Variants in LSM10 observed in about 807,000 individuals in gnomAD.
LSM10 encodes U7 snRNA-associated Sm-like protein LSm10.
A neutral mutation model predicts 5.2 loss-of-function variants in LSM10; 4 were observed. The observed-to-expected ratio is 0.77, with a 90% CI of 0.38 to 1.77. The LOEUF (loss-of-function observed/expected upper bound fraction) is 1.77. LSM10 is among the 40% of genes most tolerant of loss of function. The pLI is 0.04. For missense variants in LSM10, 150 were observed against 171.6 expected, an observed-to-expected ratio of 0.87 and a Z score of 0.70; for synonymous variants, 63 against 67.4, an observed-to-expected ratio of 0.94 and a Z score of 0.32.
chr1:36,395,304 T>G (rs533462039), intron 1 of LSM10, among the ~76,000 whole-genome samples: 2 of 152,274 alleles, frequency 1.3e-5, no homozygotes, highest in African/African-American at 4.8e-5. Flanking sequence ...CAATTATAAA[T>G]TATATGATTA....
chr1:36,395,753 G>T (rs1450514483), intron 1 of LSM10, among the ~76,000 whole-genome samples: 1 of 150,424 alleles, frequency 6.6e-6, no homozygotes, highest in Non-Finnish European at 1.5e-5. Context: ...ACTCCAGCCT[G>T]GGTAACAGAG....
intron 1 of LSM10, among the ~76,000 whole-genome samples, chr1:36,397,167 G>A (rs1187000581): frequency 6.6e-6 from 1 of 152,146 alleles, no homozygotes; most frequent in East Asian, 1.9e-4. Context: ...AAAGCTACCA[G>A]AATCACACTC....
chr1:36,397,643 G>A (rs772417920), intron 1 of LSM10, 124 bp downstream of exon 1: 3 of 152,256 alleles, frequency 2.0e-5, no homozygotes, highest in Admixed American at 1.3e-4. Context: ...CGGGTCTGGG[G>A]AAAGGAGCTA....
Position 36,397,652 on chromosome 1 carries a change from T to C in LSM10, c.-25+115A>G, listed in dbSNP as rs1333492376. The C allele has an allele frequency of 1.3e-5, 2 of 152,276 alleles. 1 individual carries two copies. Among genetic ancestry groups the C allele is most frequent in the Non-Finnish European group, 2.9e-5 (2 of 68,084 alleles). 9.4% of individuals were successfully genotyped at this position (152,276 alleles called of 1,614,324 possible). A position where few individuals can be genotyped will look rare whatever the true frequency, so the allele number is the denominator to read the frequency against. On this transcript the variant is annotated intron_variant, in intron 1 of 1. Coordinates refer to ENST00000315732, the MANE Select transcript of LSM10 (RefSeq NM_032881.3). ...CGGGAGCGGGTCTGGGGAAAGGAGC[T>C]ATACTCGGTAAATGGGGAAGAAAAC...
At position 36,393,822 on chromosome 1, in the gene LSM10, CGATG is replaced by C; in HGVS notation, c.304_307del (p.His102GlyfsTer36). On this transcript the variant is annotated frameshift_variant, in exon 2 of 2. Coordinates refer to ENST00000315732, the MANE Select transcript of LSM10 (RefSeq NM_032881.3). LOFTEE classifies it high-confidence loss of function. ...GCCCTTGCCACCAAAGTTTCGCACC[CGATG>C]GATAATCTGCAGCTGCTGCTCAATG... is the stretch of plus-strand genomic sequence containing the variant. 6.2e-7 allele frequency: 1 copy of C among 1,614,212 alleles called. No homozygotes were observed. The highest frequency in any genetic ancestry group is 8.5e-7 in the Non-Finnish European group (1 of 1,180,044).
rs1166066510 is a variant in LSM10 at position 36,393,830 on chromosome 1, A to G, written c.300T>C (p.Ile100=). ...ITSTIEQQLQ[I]IHRVRNFGGK... is the part of the protein sequence containing the mutation. ...CACCAAAGTTTCGCACCCGATGGAT[A>G]ATCTGCAGCTGCTGCTCAATGGTCG... The change falls in exon 2 of 2, where the codon ATT becomes ATC. Residue 100 remains isoleucine, a synonymous_variant. Transcript: ENST00000315732. 5.6e-6 allele frequency: 9 copies of G among 1,614,196 alleles called. No individual in the cohort carries two copies. The highest frequency in any genetic ancestry group is 4.4e-5 in the South Asian group (4 of 91,090).
chr1:36,394,294 G>A lies in LSM10; in HGVS notation c.-24-141C>T, dbSNP rs145764306. The A allele has an allele frequency of 3.0e-4, 216 of 721,462 alleles. No homozygotes were observed. In the East Asian group the frequency reaches 5.5e-3, roughly 18 times the overall value. The allele number at this position is 721,462 out of a possible 1,614,324, so 44.7% of individuals were successfully genotyped here. On this transcript the variant is annotated intron_variant, in intron 1 of 1. Transcript: ENST00000315732. ...GTATCTGTGGACACAGATGCTTCCCGCACATGTCTCATAGAATCCTCACAC... is the reference window on the plus strand; with the variant it reads ...GTATCTGTGGACACAGATGCTTCCCACACATGTCTCATAGAATCCTCACAC...
chr1:36,395,702 C>CG (rs1306965239), intron 1 of LSM10, among the ~76,000 whole-genome samples: 3 of 149,710 alleles, frequency 2.0e-5, no homozygotes, highest in African/African-American at 7.4e-5. Context: ...CGCTTGAATC[C>CG]GGGAGGTGGA....
At position 36,394,125 on chromosome 1, in the gene LSM10, G is replaced by T; in HGVS notation, c.5C>A (p.Ala2Glu). 6.2e-7 allele frequency: 1 copy of T among 1,607,856 alleles called. No homozygotes were observed. Reference protein sequence around the residue: MAVSHSVKERTI... With the variant: MEVSHSVKERTI... ...CCGCTCCTTCACTGAATGGCTCACC[G>T]CCATTCTTCCACACCAGCTGCCTGC... Residue 2 changes from alanine to glutamate, a missense_variant, in exon 2 of 2, where the codon GCG becomes GAG. By Grantham distance (107) the Ala-to-Glu change is moderately radical. Coordinates refer to ENST00000315732, the MANE Select transcript of LSM10 (RefSeq NM_032881.3).
chr1:36,393,819 A>G lies in LSM10; in HGVS notation c.311T>C (p.Val104Ala), dbSNP rs923814186. ...IEQQLQIIHRVRNFGGKGQGR... is the reference protein window; with the variant it reads ...IEQQLQIIHRARNFGGKGQGR... The stretch of plus-strand genomic sequence containing the variant: ...TTGGCCCTTGCCACCAAAGTTTCGC[A>G]CCCGATGGATAATCTGCAGCTGCTG... Residue 104 changes from valine to alanine, a missense_variant, in exon 2 of 2, where the codon GTG (valine) becomes GCG (alanine). Transcript: ENST00000315732. 6 of 1,614,036 alleles carry G rather than the reference A, an allele frequency of 3.7e-6. No homozygotes were observed. Among genetic ancestry groups the G allele is most frequent in the Non-Finnish European group, 4.2e-6 (5 of 1,180,026 alleles).
rs756565667 is a variant in LSM10 at position 36,393,823 on chromosome 1, G to A, written c.307C>T (p.Arg103Trp). ...CCCTTGCCACCAAAGTTTCGCACCC[G>A]ATGGATAATCTGCAGCTGCTGCTCA... ...TIEQQLQIIH[R>W]VRNFGGKGQG... is the part of the protein sequence containing the mutation. The change falls in exon 2 of 2, where the codon CGG (arginine) becomes TGG (tryptophan). Residue 103 changes from arginine to tryptophan, a missense_variant. Coordinates refer to ENST00000315732, the MANE Select transcript of LSM10 (RefSeq NM_032881.3). 3.0e-5 allele frequency: 48 copies of A among 1,614,236 alleles called. No individual in the cohort carries two copies. The highest frequency in any genetic ancestry group is 6.7e-5 in the Admixed American group (4 of 60,020).
Position 36,393,491 on chromosome 1 carries a change from G to A in LSM10, c.*267C>T. Reference sequence around the variant, plus strand: ...GGGAGAGTTGAAAACTACTTGACAGGTTCCATAATCAATAAGTCAGAGATT... The same window carrying A: ...GGGAGAGTTGAAAACTACTTGACAGATTCCATAATCAATAAGTCAGAGATT... On this transcript the variant is annotated 3_prime_UTR_variant, in exon 2 of 2. Transcript: ENST00000315732. 1 of 521,608 alleles carries A rather than the reference G, an allele frequency of 1.9e-6. No individual in the cohort carries two copies. Among genetic ancestry groups the A allele is most frequent in the Non-Finnish European group, 3.5e-6 (1 of 288,534 alleles). 32.3% of individuals were successfully genotyped at this position (521,608 alleles called of 1,614,324 possible). A position where few individuals can be genotyped will look rare whatever the true frequency, so the allele number is the denominator to read the frequency against.
chr1:36,394,468 C>G (rs1310224138), intron 1 of LSM10, among the ~76,000 whole-genome samples: 1 of 152,080 alleles, frequency 6.6e-6, no homozygotes, highest in Non-Finnish European at 1.5e-5. Context: ...CTCTGCTGAC[C>G]TGCTTGGGCA....
chr1:36,395,380 T>C (rs899560887), intron 1 of LSM10, among the ~76,000 whole-genome samples: 4 of 152,220 alleles, frequency 2.6e-5, no homozygotes, highest in African/African-American at 9.6e-5. Flanking sequence ...TTCCTAATAA[T>C]ACATTAATTT....
intron 1 of LSM10, among the ~76,000 whole-genome samples, chr1:36,394,427 C>T (rs1219202579): frequency 1.3e-5 from 2 of 152,140 alleles, no homozygotes; most frequent in African/African-American, 4.8e-5. Context: ...ACTCAGGAGA[C>T]TGAGGTAGGA....
intron 1 of LSM10, among the ~76,000 whole-genome samples, chr1:36,397,234 T>G (rs1371940686): frequency 6.6e-6 from 1 of 152,238 alleles, no homozygotes; most frequent in Non-Finnish European, 1.5e-5. Context: ...TAGTGCACTA[T>G]GTCTTACCTA....
rs144063534 is a variant in LSM10 at position 36,395,976 on chromosome 1, C to T, written c.-25+1791G>A. On this transcript the variant is annotated intron_variant, in intron 1 of 1. Transcript: ENST00000315732. ...GTGGCTCACGCCTGTAATCCCAGCA[C>T]TTTGGGAGACCGAGGCGGGCGGATC... Among the ~76,000 whole-genome samples, 3,634 of 151,880 alleles carry T rather than the reference C, an allele frequency of 0.024. 240 individuals are homozygous for T. In the East Asian group the frequency reaches 0.26, roughly 11 times the overall value.
chr1:36,397,819 G>A lies in LSM10; in HGVS notation c.-77C>T, dbSNP rs1647166421. 1 of 152,252 alleles carries A rather than the reference G, an allele frequency of 6.6e-6. No individual in the cohort carries two copies. Among genetic ancestry groups the A allele is most frequent in the South Asian group, 2.1e-4 (1 of 4,828 alleles). 9.4% of individuals were successfully genotyped at this position (152,252 alleles called of 1,614,324 possible). On this transcript the variant is annotated 5_prime_UTR_variant, in exon 1 of 2. Coordinates refer to ENST00000315732, the MANE Select transcript of LSM10 (RefSeq NM_032881.3). The stretch of plus-strand genomic sequence containing the variant: ...TCTGGGTCGCCGCCGAAGCTAGCGG[G>A]CGCCTGGACTGGCTGCCTCCCGCCG...
Position 36,396,965 on chromosome 1 carries a change from GA to G in LSM10, c.-25+801del, listed in dbSNP as rs55690968. On this transcript the variant is annotated intron_variant, in intron 1 of 1. Transcript: ENST00000315732. ...CCTGGGTGACACAGCGAGACTCTCA[GA>G]AAAAAAAAAAGAAAATAAATCTGGA... Among the ~76,000 whole-genome samples the G allele has an allele frequency of 2.0e-4, 28 of 142,694 alleles. No individual in the cohort carries two copies. The East Asian group carries it at 2.7e-3, about 14-fold the overall frequency. 93.6% of individuals were successfully genotyped at this position (142,694 alleles called of 152,430 possible).
Sources: gnomAD v4.1 joint callset for allele counts (sites outside exome capture counted in the v4.1 genomes callset) on GRCh38, gnomAD v4.1.1 for gene constraint, MANE v1.5 for transcripts, NCBI Gene and HGNC (gene_info 2026-07-23, HGNC 2026-07-21) for gene names.